ARFIP1: variants seen among roughly 807,000 people sequenced by gnomAD.
The protein encoded by ARFIP1 is ARF interacting protein 1.
In ARFIP1, 24 loss-of-function variants were observed where a neutral mutation model predicts 42.5. That is an observed-to-expected ratio of 0.57 (90% confidence interval 0.41 to 0.80). The LOEUF (loss-of-function observed/expected upper bound fraction) is 0.80, where lower values mean the gene tolerates loss of function less well. Among genes scored for constraint, ARFIP1 ranks in the 30% least tolerant of loss-of-function variants. The pLI, the probability that ARFIP1 is intolerant of heterozygous loss-of-function variation, is 0.00. For synonymous variants in ARFIP1, 141 were observed against 153.7 expected (o/e 0.92, Z 0.61); for missense variants, 354 against 434.0 (o/e 0.82, Z 1.64).
chr4:152,796,121 G>A, intron 1 of ARFIP1: 2 of 747,794 alleles, frequency 2.7e-6, no homozygotes, highest in Non-Finnish European at 5.0e-6. Flanking sequence ...GATAACCTGG[G>A]CATATTTCCC....
chr4:152,863,464 A>G (rs138774655), intron 2 of ARFIP1, 142 bp from the exon 3 acceptor site: 6,630 of 519,656 alleles, frequency 0.013, 73 homozygotes, highest in Non-Finnish European at 0.017. Context: ...TCATTATAGA[A>G]TGCCATGATA....
intron 2 of ARFIP1, among the ~76,000 whole-genome samples, chr4:152,851,901 T>C (rs1039246602): frequency 6.6e-6 from 1 of 152,194 alleles, no homozygotes; most frequent in Non-Finnish European, 1.5e-5. Flanking sequence ...ATATGCAAAA[T>C]GGAGACGTTA....
rs1332707043 is a variant in ARFIP1 at position 152,910,337 on chromosome 4, C to T, written c.*118C>T. 2.5e-6 allele frequency: 3 copies of T among 1,192,326 alleles called. No homozygotes were observed. Among genetic ancestry groups the T allele is most frequent in the Non-Finnish European group, 3.4e-6 (3 of 871,536 alleles). 73.9% of individuals were successfully genotyped at this position (1,192,326 alleles called of 1,614,324 possible). A position where few individuals can be genotyped will look rare whatever the true frequency, so the allele number is the denominator to read the frequency against. On this transcript the variant is annotated 3_prime_UTR_variant, in exon 9 of 9. Transcript: ENST00000353617. ...GACAAGCATTATAGTGATTCTTGCA[C>T]AAACAGCTTTAATTTTTCCCTTTTT...
intron 1 of ARFIP1, among the ~76,000 whole-genome samples, chr4:152,811,418 A>G (rs1174869220): frequency 2.0e-5 from 3 of 152,226 alleles, no homozygotes; most frequent in Non-Finnish European, 4.4e-5. Flanking sequence ...TAAGTTTTAT[A>G]GAAGAGAGAT....
At chr4:152,826,034 A>G (rs1488575350) in intron 1 of ARFIP1, among the ~76,000 whole-genome samples, 1 of 151,686 alleles carries the variant, frequency 6.6e-6, no homozygotes, top group Non-Finnish European at 1.5e-5. Flanking sequence ...TGAAAAAGGA[A>G]TGCTTATACG....
intron 1 of ARFIP1, among the ~76,000 whole-genome samples, chr4:152,806,687 C>G (rs1729015650): frequency 6.6e-6 from 1 of 152,132 alleles, no homozygotes; most frequent in Admixed American, 6.6e-5. Context: ...CAGTTCTTCC[C>G]TACATTACTT....
intron 7 of ARFIP1, among the ~76,000 whole-genome samples, chr4:152,885,256 C>T (rs1181924126): frequency 6.6e-6 from 1 of 152,064 alleles, no homozygotes; most frequent in East Asian, 1.9e-4. Context: ...TCTATTTGAT[C>T]AGTGCAAAAA....
At chr4:152,814,309 G>A (rs1418362883) in intron 1 of ARFIP1, among the ~76,000 whole-genome samples, 2 of 151,954 alleles carry the variant, frequency 1.3e-5, no homozygotes, top group Non-Finnish European at 2.9e-5. Context: ...GCCCAGGCTG[G>A]ACTTGAACTC....
chr4:152,904,350 C>A (rs932959848), intron 8 of ARFIP1, among the ~76,000 whole-genome samples: 1 of 151,864 alleles, frequency 6.6e-6, no homozygotes, highest in African/African-American at 2.4e-5. Context: ...TGCCACCACG[C>A]CCGGCTCATT....
chr4:152,890,321 G>A (rs1736738029), intron 8 of ARFIP1, among the ~76,000 whole-genome samples: 1 of 151,970 alleles, frequency 6.6e-6, no homozygotes, highest in Admixed American at 6.6e-5. Flanking sequence ...GAGGGAAGGA[G>A]ACACTTTTCA....
chr4:152,832,788 T>A (rs185944022), intron 2 of ARFIP1, among the ~76,000 whole-genome samples: 32 of 152,346 alleles, frequency 2.1e-4, no homozygotes, highest in Non-Finnish European at 4.4e-5. Context: ...CTTCCTCTCA[T>A]GTAAATATTC....
intron 1 of ARFIP1, among the ~76,000 whole-genome samples, chr4:152,825,456 C>A (rs1057299579): frequency 1.3e-5 from 2 of 152,134 alleles, no homozygotes; most frequent in Non-Finnish European, 2.9e-5. Flanking sequence ...AAAGGACACA[C>A]TATTCAATAA....
chr4:152,788,186 C>T (rs1373368722), intron 1 of ARFIP1, among the ~76,000 whole-genome samples: 3 of 152,072 alleles, frequency 2.0e-5, no homozygotes, highest in Admixed American at 1.3e-4. Context: ...GAGCCGAGAT[C>T]GTGCCTCTGC....
chr4:152,875,868 G>A (rs970724194), intron 5 of ARFIP1, among the ~76,000 whole-genome samples: 4 of 151,994 alleles, frequency 2.6e-5, no homozygotes, highest in Admixed American at 1.3e-4. Flanking sequence ...CATGGGAGCC[G>A]GTCTTTCCCA....
chr4:152,843,735 G>A (rs980958314), intron 2 of ARFIP1, among the ~76,000 whole-genome samples: 4 of 152,146 alleles, frequency 2.6e-5, no homozygotes, highest in African/African-American at 7.2e-5. Flanking sequence ...CAGCTCGCAC[G>A]CAAACTGAAG....
Position 152,808,294 on chromosome 4 carries a change from T to TA in ARFIP1, c.-9-21331_-9-21330insA, listed in dbSNP as rs1275803504. Among the ~76,000 whole-genome samples, 72 of 109,450 alleles carry TA rather than the reference T, an allele frequency of 6.6e-4. 1 individual carries two copies. In the East Asian group the frequency reaches 0.017, roughly 26 times the overall value. The allele number at this position is 109,450 out of a possible 152,430, so 71.8% of individuals were successfully genotyped here. On this transcript the variant is annotated intron_variant, in intron 1 of 8. Transcript: ENST00000353617. ...CACGCCTGGCCTCCATTTTTTTTTT[T>TA]TTTTTTTTTTTTTTTTTTTTTTTGT... is the stretch of plus-strand genomic sequence containing the variant.
At chr4:152,823,259 G>A (rs1441509943) in intron 1 of ARFIP1, among the ~76,000 whole-genome samples, 1 of 152,098 alleles carries the variant, frequency 6.6e-6, no homozygotes, top group Non-Finnish European at 1.5e-5. Context: ...CGAGACTACT[G>A]TGGACACCTG....
chr4:152,793,955 TTTC>T (rs1294714544), intron 1 of ARFIP1, among the ~76,000 whole-genome samples: 1 of 152,160 alleles, frequency 6.6e-6, no homozygotes, highest in Non-Finnish European at 1.5e-5. Context: ...TGGAAGAGAT[TTTC>T]TTCTTTTATT....
At chr4:152,886,894 T>G (rs1341150225) in intron 7 of ARFIP1, among the ~76,000 whole-genome samples, 2 of 152,012 alleles carry the variant, frequency 1.3e-5, no homozygotes, top group Non-Finnish European at 2.9e-5. Context: ...AAATTAAATC[T>G]TAACTCATAC....
Sources: allele counts gnomAD v4.1 joint callset (sites outside exome capture counted in the v4.1 genomes callset), GRCh38; gene constraint gnomAD v4.1.1; transcripts MANE v1.5; gene names NCBI Gene and HGNC (gene_info 2026-07-23, HGNC 2026-07-21).